The following TRMT11 variants were observed in gnomAD, a reference collection of about 807,000 sequenced individuals.
The protein encoded by TRMT11 is tRNA (guanine(10)-N(2))-methyltransferase TRMT11.
A neutral mutation model predicts 62.8 loss-of-function variants in TRMT11; 53 were observed. That is an observed-to-expected ratio of 0.84 (90% CI 0.68 to 1.06). The LOEUF (loss-of-function observed/expected upper bound fraction) is 1.06, where lower values mean the gene tolerates loss of function less well. Among genes scored for constraint, TRMT11 ranks in the 50% least tolerant of loss-of-function variants. The pLI, the probability that TRMT11 is intolerant of heterozygous loss-of-function variation, is 0.00. For missense variants in TRMT11, 556 were observed against 553.4 expected (o/e 1.00, Z -0.05); for synonymous variants, 188 against 190.3 (o/e 0.99, Z 0.10).
rs536118474 is a variant in TRMT11 at position 126,008,320 on chromosome 6, A to G, written c.680-72A>G. On this transcript the variant is annotated intron_variant, in intron 7 of 12. Transcript: ENST00000334379. The stretch of plus-strand genomic sequence containing the variant: ...GCCTGCAGCTAGTTTCTAAGACTGG[A>G]TGAAGTTAAATAGGAACAAACAGGA... The G allele has an allele frequency of 1.3e-5, 16 of 1,244,210 alleles. No homozygotes were observed. The South Asian group carries it at 1.8e-4, about 14-fold the overall frequency. 77.1% of individuals were successfully genotyped at this position (1,244,210 alleles called of 1,614,324 possible).
chr6:126,171,597 TG>T (rs1318323902), intron 21 of TRMT11, among the ~76,000 whole-genome samples: 1 of 152,140 alleles, frequency 6.6e-6, no homozygotes, highest in African/African-American at 2.4e-5. Flanking sequence ...GTGTGAGAAC[TG>T]GGGAGGGAAT....
At chr6:126,234,459 C>T in the TRMT11 span, among the ~76,000 whole-genome samples, 1 of 151,586 alleles carries the variant, frequency 6.6e-6, no homozygotes, top group Non-Finnish European at 1.5e-5. Flanking sequence ...ATATATTGTT[C>T]AATTGGCAGT....
chr6:126,141,655 T>C (rs987746402), intron 21 of TRMT11, among the ~76,000 whole-genome samples: 3 of 152,132 alleles, frequency 2.0e-5, no homozygotes. Context: ...CCAACTTAAA[T>C]CCGTTATTTT....
intron 17 of TRMT11, among the ~76,000 whole-genome samples, chr6:126,110,310 C>T (rs1164431255): frequency 6.6e-6 from 1 of 152,096 alleles, no homozygotes; most frequent in Non-Finnish European, 1.5e-5. Context: ...GGCTCCATAT[C>T]CTTCCCAGGA....
intron 8 of TRMT11, chr6:126,008,877 A>G: frequency 2.9e-6 from 1 of 345,842 alleles, no homozygotes; most frequent in South Asian, 2.4e-5. Context: ...TTTATATGGC[A>G]TTATTTTAAT....
the TRMT11 span, among the ~76,000 whole-genome samples, chr6:126,257,299 A>G: frequency 6.6e-6 from 1 of 152,050 alleles, no homozygotes; most frequent in South Asian, 2.1e-4. Flanking sequence ...GGTGTGCCAT[A>G]TTTACTGATT....
the TRMT11 span, among the ~76,000 whole-genome samples, chr6:126,218,165 C>G: frequency 1.3e-5 from 2 of 152,202 alleles, no homozygotes; most frequent in Admixed American, 1.3e-4. Context: ...ACCCAAAAAC[C>G]AAGGTCTAGA....
chr6:126,161,876 A>G (rs750996075), intron 21 of TRMT11, among the ~76,000 whole-genome samples: 3 of 152,044 alleles, frequency 2.0e-5, no homozygotes, highest in Non-Finnish European at 4.4e-5. Flanking sequence ...TGGCTGCATA[A>G]ATGTCTTCTT....
downstream of TRMT11, among the ~76,000 whole-genome samples, chr6:126,207,188 T>G (rs1428698638): frequency 6.6e-6 from 1 of 152,180 alleles, no homozygotes; most frequent in Admixed American, 6.6e-5. Context: ...ATTGGCACAT[T>G]CCCCAGTCTA....
chr6:126,105,581 GA>G (rs1777455323), intron 17 of TRMT11, among the ~76,000 whole-genome samples: 1 of 151,522 alleles, frequency 6.6e-6, no homozygotes, highest in Non-Finnish European at 1.5e-5. Context: ...GAGCATGCAT[GA>G]TCTTTAAGAT....
chr6:126,029,853 A>G (rs1004017156), intron 12 of TRMT11, among the ~76,000 whole-genome samples: 4 of 152,186 alleles, frequency 2.6e-5, no homozygotes, highest in African/African-American at 4.8e-5. Context: ...TAATACTTCT[A>G]TGTTGTCATG....
chr6:126,093,498 A>G (rs1336193948), intron 17 of TRMT11, among the ~76,000 whole-genome samples: 1 of 147,162 alleles, frequency 6.8e-6, no homozygotes, highest in African/African-American at 2.5e-5. Flanking sequence ...TATGATTATA[A>G]TAGTGTTTGA....
At chr6:126,241,938 A>T in the TRMT11 span, among the ~76,000 whole-genome samples, 3 of 152,316 alleles carry the variant, frequency 2.0e-5, no homozygotes, top group East Asian at 5.8e-4. Context: ...GGCCAGGGCA[A>T]TCAGGCAGGA....
At chr6:126,169,069 T>C (rs1002816362) in intron 21 of TRMT11, among the ~76,000 whole-genome samples, 6 of 152,194 alleles carry the variant, frequency 3.9e-5, no homozygotes, top group African/African-American at 1.4e-4. Context: ...CCTAAGAATC[T>C]GCATTTCTTC....
At chr6:126,250,677 A>G in the TRMT11 span, among the ~76,000 whole-genome samples, 2 of 152,022 alleles carry the variant, frequency 1.3e-5, no homozygotes, top group African/African-American at 4.8e-5. Flanking sequence ...TTTTGTAGAC[A>G]CTCACTACAG....
intron 1 of TRMT11, among the ~76,000 whole-genome samples, chr6:126,190,063 T>C (rs746670027): frequency 3.2e-4 from 48 of 152,202 alleles, no homozygotes; most frequent in Non-Finnish European, 4.3e-4. Context: ...GGAAACATTA[T>C]AATTTCTTCT....
the TRMT11 span, among the ~76,000 whole-genome samples, chr6:126,230,818 C>T: frequency 6.6e-6 from 1 of 152,006 alleles, no homozygotes; most frequent in African/African-American, 2.4e-5. Flanking sequence ...TGACTTTAAA[C>T]ATTGATAAAA....
intron 16 of TRMT11, among the ~76,000 whole-genome samples, chr6:126,051,596 A>G (rs1440508335): frequency 1.3e-5 from 2 of 152,320 alleles, no homozygotes; most frequent in African/African-American, 2.4e-5. Flanking sequence ...GCAGTCATCC[A>G]GGTTAGAGAA....
downstream of TRMT11, among the ~76,000 whole-genome samples, chr6:126,208,810 G>T (rs1270550030): frequency 6.6e-6 from 1 of 152,214 alleles, no homozygotes; most frequent in African/African-American, 2.4e-5. Context: ...TGGTTCCAAA[G>T]GCAATGAACA....
Sources: allele counts gnomAD v4.1 joint callset (sites outside exome capture counted in the v4.1 genomes callset), GRCh38; gene constraint gnomAD v4.1.1; transcripts MANE v1.5; gene names NCBI Gene and HGNC (gene_info 2026-07-23, HGNC 2026-07-21).